PLCXD2: variants seen among roughly 807,000 people sequenced by gnomAD.
The protein encoded by PLCXD2 is phosphatidylinositol specific phospholipase C X domain containing 2.
PLCXD2 carries 21 observed loss-of-function variants against 28.6 expected under a neutral mutation model. That is an observed-to-expected ratio of 0.73 (90% CI 0.52 to 1.06). The LOEUF (loss-of-function observed/expected upper bound fraction) is 1.06. Ranked by LOEUF, PLCXD2 falls within the 50% of genes least tolerant of loss-of-function variation. The probability of loss-of-function intolerance (pLI) is 0.00; values close to 1 mark genes in which losing one functional copy is unlikely to be tolerated. For synonymous variants in PLCXD2, 140 were observed against 150.1 expected (o/e 0.93, Z 0.49); for missense variants, 369 against 376.7 (o/e 0.98, Z 0.17).
chr3:111,679,261 C>G (rs1473606315), intron 1 of PLCXD2, among the ~76,000 whole-genome samples: 1 of 151,906 alleles, frequency 6.6e-6, no homozygotes, highest in African/African-American at 2.4e-5. Context: ...GGTTGAGGGT[C>G]AGGGTTGGGA....
chr3:111,724,548 C>A (rs1393108900), intron 3 of PLCXD2: 2 of 152,146 alleles, frequency 1.3e-5, no homozygotes, highest in Non-Finnish European at 2.9e-5. Flanking sequence ...GAGAATCTTG[C>A]CATGAGAAAG....
intron 1 of PLCXD2, among the ~76,000 whole-genome samples, chr3:111,681,036 A>G (rs1040107274): frequency 2.0e-5 from 3 of 152,346 alleles, no homozygotes; most frequent in African/African-American, 7.2e-5. Context: ...AATGCAGTTT[A>G]TACCCTCAGG....
intron 1 of PLCXD2, among the ~76,000 whole-genome samples, chr3:111,686,233 G>A (rs1366428845): frequency 1.3e-5 from 2 of 152,142 alleles, no homozygotes; most frequent in Non-Finnish European, 2.9e-5. Context: ...CCAGTTGCAG[G>A]GGTAGACCAA....
intron 3 of PLCXD2, chr3:111,721,622 G>A (rs938178177): frequency 2.0e-5 from 3 of 152,156 alleles, no homozygotes. Context: ...AATGATGGGA[G>A]ATCTTTTTAG....
At chr3:111,703,514 G>A (rs1941075805) in intron 1 of PLCXD2, among the ~76,000 whole-genome samples, 1 of 152,062 alleles carries the variant, frequency 6.6e-6, no homozygotes, top group Non-Finnish European at 1.5e-5. Flanking sequence ...ACACCAGAGG[G>A]GATTCATCTC....
chr3:111,711,297 G>A (rs982750105), intron 2 of PLCXD2, among the ~76,000 whole-genome samples: 6 of 152,252 alleles, frequency 3.9e-5, no homozygotes, highest in African/African-American at 7.2e-5. Flanking sequence ...CCAGCTACTC[G>A]GCAGGCAGAG....
intron 1 of PLCXD2, among the ~76,000 whole-genome samples, chr3:111,701,652 A>T (rs530312956): frequency 6.6e-6 from 1 of 152,260 alleles, no homozygotes; most frequent in South Asian, 2.1e-4. Context: ...AAAGGACCCA[A>T]ATTAGGGTTT....
At chr3:111,684,211 T>C (rs1327114929) in intron 1 of PLCXD2, among the ~76,000 whole-genome samples, 1 of 150,020 alleles carries the variant, frequency 6.7e-6, no homozygotes, top group Non-Finnish European at 1.5e-5. Flanking sequence ...GCACCTGTAG[T>C]CCCAGCTACT....
At chr3:111,695,160 T>TAAAA (rs10662190) in intron 1 of PLCXD2, among the ~76,000 whole-genome samples, 1 of 132,366 alleles carries the variant, frequency 7.6e-6, no homozygotes, top group African/African-American at 2.8e-5. Context: ...ACCCATTTTC[T>TAAAA]AAAAAAAAAA....
At chr3:111,707,460 C>A (rs892343776) in intron 1 of PLCXD2, among the ~76,000 whole-genome samples, 4 of 152,078 alleles carry the variant, frequency 2.6e-5, no homozygotes, top group African/African-American at 9.7e-5. Context: ...GTGGATATAC[C>A]ACAACAAAGC....
At chr3:111,689,525 G>A (rs556320149) in intron 1 of PLCXD2, among the ~76,000 whole-genome samples, 190 of 152,238 alleles carry the variant, frequency 1.2e-3, no homozygotes, top group Non-Finnish European at 2.1e-3. Context: ...ACCCACCTTC[G>A]CTTTGCCTCG....
intron 3 of PLCXD2, among the ~76,000 whole-genome samples, chr3:111,714,574 A>G (rs979127782): frequency 1.3e-5 from 2 of 152,202 alleles, no homozygotes; most frequent in African/African-American, 2.4e-5. Flanking sequence ...TCACTGAAGA[A>G]GCAGCTTAGG....
chr3:111,678,803 T>A (rs1940665387), intron 1 of PLCXD2, among the ~76,000 whole-genome samples: 1 of 152,184 alleles, frequency 6.6e-6, no homozygotes, highest in African/African-American at 2.4e-5. Flanking sequence ...TTGCCTGTTC[T>A]TTGTCCAATG....
Position 111,708,103 on chromosome 3 carries a change from A to G in PLCXD2, c.341A>G (p.Asp114Gly), listed in dbSNP as rs1941145573. 2.5e-6 allele frequency: 4 copies of G among 1,614,060 alleles called. No homozygotes were observed. Among genetic ancestry groups the G allele is most frequent in the Non-Finnish European group, 3.4e-6 (4 of 1,180,036 alleles). ...CTGGAAGCTGGGATCCGCTACTTTGACCTGCGTGTGTCTTCCAAACCAGGG... is the reference window on the plus strand; with the variant it reads ...CTGGAAGCTGGGATCCGCTACTTTGGCCTGCGTGTGTCTTCCAAACCAGGG... The change falls in exon 2 of 5, where the codon GAC becomes GGC. Residue 114 changes from aspartate (D) to glycine (G), a missense_variant. Transcript: ENST00000477665.
chr3:111,710,803 A>G (rs2107865552), intron 2 of PLCXD2, among the ~76,000 whole-genome samples: 1 of 152,360 alleles, frequency 6.6e-6, no homozygotes. Flanking sequence ...ATATAATTTT[A>G]TACACAGCCA....
intron 1 of PLCXD2, chr3:111,692,555 C>G (rs972977111): frequency 6.6e-6 from 1 of 152,250 alleles, no homozygotes; most frequent in South Asian, 2.1e-4. Flanking sequence ...AAGGGTCCAG[C>G]AATATTTTTT....
At chr3:111,705,918 T>C (rs1435763467) in intron 1 of PLCXD2, among the ~76,000 whole-genome samples, 1 of 151,678 alleles carries the variant, frequency 6.6e-6, no homozygotes, top group East Asian at 2.0e-4. Flanking sequence ...CGTGGTACGA[T>C]GTTTGTCATT....
intron 1 of PLCXD2, among the ~76,000 whole-genome samples, chr3:111,692,146 G>A (rs1001018565): frequency 6.6e-6 from 1 of 152,118 alleles, no homozygotes; most frequent in Non-Finnish European, 1.5e-5. Context: ...GGTTCATGCC[G>A]TTCTCCAGCT....
chr3:111,701,930 C>T (rs1001738803), intron 1 of PLCXD2, among the ~76,000 whole-genome samples: 8 of 152,002 alleles, frequency 5.3e-5, no homozygotes, highest in Non-Finnish European at 1.0e-4. Flanking sequence ...GCAGGAGAAG[C>T]TAGACTTTGA....
Sources: allele counts gnomAD v4.1 joint callset (sites outside exome capture counted in the v4.1 genomes callset), GRCh38; gene constraint gnomAD v4.1.1; transcripts MANE v1.5; gene names NCBI Gene and HGNC (gene_info 2026-07-23, HGNC 2026-07-21).